Variants in KRT2 observed in about 807,000 individuals in gnomAD.
KRT2 encodes keratin, type II cytoskeletal 2 epidermal.
Under a neutral mutation model 48.5 loss-of-function variants are expected in KRT2, and 37 were observed. The ratio of observed to expected loss-of-function variants is 0.76; its 90% CI spans 0.59 to 1.00. The LOEUF (loss-of-function observed/expected upper bound fraction) is 1.00. Ranked by LOEUF, KRT2 falls within the 50% of genes least tolerant of loss-of-function variation. The probability of loss-of-function intolerance (pLI) is 0.00; values close to 1 mark genes in which losing one functional copy is unlikely to be tolerated. For synonymous variants in KRT2, 324 were observed against 312.2 expected (o/e 1.04, Z -0.40); for missense variants, 880 against 815.2 (o/e 1.08, Z -0.97).
Position 52,651,983 on chromosome 12 carries a change from C to G in KRT2, c.160G>C (p.Gly54Arg), listed in dbSNP as rs749739311. 6.2e-7 allele frequency: 1 copy of G among 1,613,176 alleles called. No homozygotes were observed. The highest frequency in any genetic ancestry group is 8.5e-7 in the Non-Finnish European group (1 of 1,179,802). The change falls in exon 1 of 9, where the codon GGT becomes CGT. Residue 54 changes from glycine to arginine, a missense_variant. Coordinates refer to ENST00000309680, the MANE Select transcript of KRT2 (RefSeq NM_000423.3). ...SRHGGGGGGF[G>R]GGGFGSRSLV... ...CTCCGACTGCCAAAGCCGCCTCCACCGAAGCCCCCGCCACCACCACCATGG... is the reference window on the plus strand; with the variant it reads ...CTCCGACTGCCAAAGCCGCCTCCACGGAAGCCCCCGCCACCACCACCATGG...
In KRT2 at chr12:52,645,175, T is replaced by C; in HGVS notation, c.1764A>G (p.Gly588=). The change falls in exon 9 of 9, where the codon GGA becomes GGG. Residue 588 remains glycine, a synonymous_variant. Coordinates refer to ENST00000309680, the MANE Select transcript of KRT2 (RefSeq NM_000423.3). ...TGTGTTTTCCACCTCCAGAGCCATA[T>C]CCTCCTCCAGAGATGGACCCTCCCT... ...GSKGGSISGG[G]YGSGGGKHSS... The C allele has an allele frequency of 3.1e-6, 5 of 1,613,262 alleles. No homozygotes were observed. The highest frequency in any genetic ancestry group is 4.2e-6 in the Non-Finnish European group (5 of 1,179,838).
rs1280406606 is a variant in KRT2 at position 52,652,204 on chromosome 12, A to G, written c.-62T>C. 5.5e-6 allele frequency: 7 copies of G among 1,267,786 alleles called. No individual in the cohort carries two copies. Among genetic ancestry groups the G allele is most frequent in the East Asian group, 2.5e-5 (1 of 39,664 alleles). 78.5% of individuals were successfully genotyped at this position (1,267,786 alleles called of 1,614,324 possible). A position where few individuals can be genotyped will look rare whatever the true frequency, so the allele number is the denominator to read the frequency against. On this transcript the variant is annotated 5_prime_UTR_variant, in exon 1 of 9. Transcript: ENST00000309680. ...GAGAAGAGTCAAGGCTGGAGACTCAACTGTGCTGCTGGGAGGCTTTCAGGG... is the reference window on the plus strand; with the variant it reads ...GAGAAGAGTCAAGGCTGGAGACTCAGCTGTGCTGCTGGGAGGCTTTCAGGG...
rs2120957734 is a variant in KRT2 at position 52,652,200 on chromosome 12, C to T, written c.-58G>A. The stretch of plus-strand genomic sequence containing the variant: ...TCTTGAGAAGAGTCAAGGCTGGAGA[C>T]TCAACTGTGCTGCTGGGAGGCTTTC... On this transcript the variant is annotated 5_prime_UTR_variant, in exon 1 of 9. Coordinates refer to ENST00000309680, the MANE Select transcript of KRT2 (RefSeq NM_000423.3). The T allele has an allele frequency of 7.8e-7, 1 of 1,286,726 alleles. No individual in the cohort carries two copies. The highest frequency in any genetic ancestry group is 1.1e-6 in the Non-Finnish European group (1 of 918,404). 79.7% of individuals were successfully genotyped at this position (1,286,726 alleles called of 1,614,324 possible).
In KRT2 at chr12:52,648,217, C is replaced by A; in HGVS notation, c.1078G>T (p.Ala360Ser). The change falls in exon 5 of 9, where the codon GCC (alanine) becomes TCC (serine). Residue 360 changes from alanine to serine, a missense_variant. Coordinates refer to ENST00000309680, the MANE Select transcript of KRT2 (RefSeq NM_000423.3). ...TCCGCTTCTTCCTTGCTCCTCTGGG[C>A]GATCTCCTCATACTGGGCCTTGACC... Reference protein sequence around the residue: ...AEVKAQYEEIAQRSKEEAEAL... With the variant: ...AEVKAQYEEISQRSKEEAEAL... 4 of 1,614,172 alleles carry A rather than the reference C, an allele frequency of 2.5e-6. No individual in the cohort carries two copies. The highest frequency in any genetic ancestry group is 3.4e-6 in the Non-Finnish European group (4 of 1,180,016).
intron 3 of KRT2, 80 bp from the exon 4 acceptor site, chr12:52,649,182 T>C: frequency 1.1e-6 from 1 of 885,728 alleles, no homozygotes; most frequent in East Asian, 2.4e-5. Flanking sequence ...CTCTACTCAG[T>C]CCCTGCTGGC....
At chr12:52,651,332 CT>C (rs1288171271) in intron 1 of KRT2, among the ~76,000 whole-genome samples, 2 of 152,122 alleles carry the variant, frequency 1.3e-5, no homozygotes, top group Non-Finnish European at 2.9e-5. Flanking sequence ...TTTATATGGA[CT>C]GTAACAATAA....
In KRT2 at chr12:52,646,504, T is replaced by C. The variant is rs1035173976; in HGVS notation, c.1469+236A>G. On this transcript the variant is annotated intron_variant, in intron 7 of 8. Coordinates refer to ENST00000309680, the MANE Select transcript of KRT2 (RefSeq NM_000423.3). ...TCAGAAAAGACCAGGATGTTTAACTTACTGCTTAGTTTAATTTAATGTGCC... is the reference window on the plus strand; with the variant it reads ...TCAGAAAAGACCAGGATGTTTAACTCACTGCTTAGTTTAATTTAATGTGCC... Among the ~76,000 whole-genome samples, 9 of 152,258 alleles carry C rather than the reference T, an allele frequency of 5.9e-5. No individual in the cohort carries two copies. The East Asian group carries it at 9.6e-4, about 16-fold the overall frequency.
Position 52,647,773 on chromosome 12 carries a change from A to T in KRT2, c.1205T>A (p.Val402Glu). 6.2e-7 allele frequency: 1 copy of T among 1,614,018 alleles called. No homozygotes were observed. Among genetic ancestry groups the T allele is most frequent in the South Asian group, 1.1e-5 (1 of 91,018 alleles). The change falls in exon 6 of 9, where the codon GTG (valine) becomes GAG (glutamate). Residue 402 changes from valine to glutamate, a missense_variant. Coordinates refer to ENST00000309680, the MANE Select transcript of KRT2 (RefSeq NM_000423.3). ...IKIEISELNR[V>E]IQRLQGEIAH... ...GATCTCCCCCTGCAGCCTCTGGATC[A>T]CGCGGTTCAGCTCGCTGATCTCTAT...
rs139274395 is a variant in KRT2, at chr12:52,651,322, T to C, written c.585+236A>G. 7.2e-3 allele frequency among the ~76,000 whole-genome samples: 1,094 copies of C among 152,338 alleles called. 14 individuals carry two copies. The highest frequency in any genetic ancestry group is 0.025 in the African/African-American group (1,035 of 41,576). ...TTTTCAGAATTTTCCATAAATATTATTTATATGGACTGTAACAATAAGGTC... is the reference window on the plus strand; with the variant it reads ...TTTTCAGAATTTTCCATAAATATTACTTATATGGACTGTAACAATAAGGTC... On this transcript the variant is annotated intron_variant, in intron 1 of 8. Transcript: ENST00000309680.
chr12:52,646,614 G>A, intron 7 of KRT2, 126 bp downstream of exon 7: 1 of 972,644 alleles, frequency 1.0e-6, no homozygotes, highest in Non-Finnish European at 1.6e-6. Context: ...CACAGAGAAT[G>A]TCAGTTCTCA....
intron 1 of KRT2, 58 bp from the exon 2 acceptor site, chr12:52,650,611 C>G (rs1361673232): frequency 1.4e-6 from 2 of 1,443,318 alleles, no homozygotes; most frequent in Non-Finnish European, 1.9e-6. Flanking sequence ...ACCAAGCAAG[C>G]CACGCTGGCC....
Position 52,651,638 on chromosome 12 carries a change from G to A in KRT2, c.505C>T (p.Pro169Ser), listed in dbSNP as rs369427660. ...LLQPLNVKVD[P>S]EIQNVKAQER... ...TGGGCCTTCACATTCTGGATCTCTGGGTCAACTTTCACGTTGAGAGGCTGC... is the reference window on the plus strand; with the variant it reads ...TGGGCCTTCACATTCTGGATCTCTGAGTCAACTTTCACGTTGAGAGGCTGC... Residue 169 changes from proline (P) to serine (S), a missense_variant, in exon 1 of 9, where the codon CCA (proline) becomes TCA (serine). By Grantham distance (74) the Pro-to-Ser change is moderately conservative. Coordinates refer to ENST00000309680, the MANE Select transcript of KRT2 (RefSeq NM_000423.3). 5.8e-5 allele frequency: 93 copies of A among 1,613,864 alleles called. No individual in the cohort carries two copies. The highest frequency in any genetic ancestry group is 6.8e-5 in the Non-Finnish European group (80 of 1,179,994).
intron 4 of KRT2, 36 bp downstream of exon 4, chr12:52,648,971 G>T: frequency 8.0e-7 from 1 of 1,248,540 alleles, no homozygotes; most frequent in South Asian, 1.2e-5. Flanking sequence ...TGAGAAGGGT[G>T]GGAAGTAAGG....
chr12:52,647,602 A>T, intron 6 of KRT2, 128 bp downstream of exon 6: 1 of 1,105,164 alleles, frequency 9.0e-7, no homozygotes, highest in Non-Finnish European at 1.3e-6. Flanking sequence ...GGAATTTGGG[A>T]TCGATACATG....
chr12:52,648,866 C>A (rs1941207560), intron 4 of KRT2, 141 bp downstream of exon 4: 3 of 698,376 alleles, frequency 4.3e-6, no homozygotes. Flanking sequence ...ATGAAAGCCC[C>A]CCCAGTGGCC....
chr12:52,651,745 C>T lies in KRT2; in HGVS notation c.398G>A (p.Gly133Glu), dbSNP rs757977074. The change falls in exon 1 of 9, where the codon GGA (glycine) becomes GAA (glutamate). Residue 133 changes from glycine to glutamate, a missense_variant. Physicochemically the swap from Gly to Glu is moderately conservative, Grantham distance 98 (BLOSUM62 -2). Transcript: ENST00000309680. Reference protein sequence around the residue: ...FGGFGGPGGVGGLGGPGGFGP... With the variant: ...FGGFGGPGGVEGLGGPGGFGP... ...AAAGCCACCAGGACCCCCTAAACCTCCAACACCACCAGGGCCCCCAAAACC... is the reference window on the plus strand; with the variant it reads ...AAAGCCACCAGGACCCCCTAAACCTTCAACACCACCAGGGCCCCCAAAACC... 6.2e-7 allele frequency: 1 copy of T among 1,614,030 alleles called. No individual in the cohort carries two copies. Among genetic ancestry groups the T allele is most frequent in the East Asian group, 2.2e-5 (1 of 44,870 alleles).
chr12:52,648,831 A>T (rs1161110059), intron 4 of KRT2, among the ~76,000 whole-genome samples, 176 bp downstream of exon 4: 1 of 152,000 alleles, frequency 6.6e-6, no homozygotes, highest in East Asian at 1.9e-4. Flanking sequence ...GGAGGAGAAA[A>T]TTCCTCACCC....
At position 52,646,728 on chromosome 12, in the gene KRT2, C is replaced by T. The variant is rs777350216; in HGVS notation, c.1469+12G>A. 2 of 1,613,572 alleles carry T rather than the reference C, an allele frequency of 1.2e-6. No individual in the cohort carries two copies. The highest frequency in any genetic ancestry group is 1.3e-5 in the African/African-American group (1 of 74,898). On this transcript the variant is annotated intron_variant, in intron 7 of 8. Coordinates refer to ENST00000309680, the MANE Select transcript of KRT2 (RefSeq NM_000423.3). ...GGGCCAGGGTCCCCTTCTCCCTTCC[C>T]AGTGCCCTCACCTGCACTCCTCGCC... is the stretch of plus-strand genomic sequence containing the variant.
At chr12:52,648,955 A>G (rs1941208754) in intron 4 of KRT2, 52 bp downstream of exon 4, 1 of 1,158,680 alleles carries the variant, frequency 8.6e-7, no homozygotes, top group Non-Finnish European at 1.3e-6. Flanking sequence ...AAGGACTTTC[A>G]TTTGGTGAGA....
Sources: gnomAD v4.1 joint callset for allele counts (sites outside exome capture counted in the v4.1 genomes callset) on GRCh38, gnomAD v4.1.1 for gene constraint, MANE v1.5 for transcripts, NCBI Gene and HGNC (gene_info 2026-07-23, HGNC 2026-07-21) for gene names.